Variants in PRKCB observed in about 807,000 individuals in gnomAD.
PRKCB encodes protein kinase C beta type.
Under a neutral mutation model 81.5 loss-of-function variants are expected in PRKCB, and 13 were observed. The observed-to-expected ratio is 0.16, with a 90% CI of 0.10 to 0.25. The LOEUF is 0.25. Ranked by LOEUF, PRKCB falls within the 10% of genes least tolerant of loss-of-function variation. The probability of loss-of-function intolerance (pLI) is 1.00; values close to 1 mark genes in which losing one functional copy is unlikely to be tolerated. For missense variants in PRKCB, 509 were observed against 875.7 expected (o/e 0.58, Z 5.29); for synonymous variants, 335 against 321.4 (o/e 1.04, Z -0.45).
At chr16:23,839,781 G>C (rs901959286) in intron 2 of PRKCB, among the ~76,000 whole-genome samples, 10 of 152,212 alleles carry the variant, frequency 6.6e-5, no homozygotes, top group Non-Finnish European at 1.5e-4. Context: ...GTACCATAGT[G>C]TGGCTGAGCA....
intron 2 of PRKCB, among the ~76,000 whole-genome samples, chr16:23,861,250 C>A (rs190052739): frequency 6.6e-6 from 1 of 151,928 alleles, no homozygotes; most frequent in Non-Finnish European, 1.5e-5. Context: ...CTCACTGCAG[C>A]CTCAACCTCC....
chr16:23,975,863 C>CA (rs200596310), intron 2 of PRKCB, among the ~76,000 whole-genome samples: 12,664 of 151,736 alleles, frequency 0.083, 678 homozygotes, highest in South Asian at 0.15. Context: ...TCACAAGAGA[C>CA]AAAAAAAACA....
intron 2 of PRKCB, among the ~76,000 whole-genome samples, chr16:23,872,717 A>T (rs1962925153): frequency 6.6e-6 from 1 of 152,142 alleles, no homozygotes; most frequent in African/African-American, 2.4e-5. Flanking sequence ...CAGGGTTGTC[A>T]GGAAAACTAA....
chr16:24,106,295 A>G (rs977814897), intron 7 of PRKCB, among the ~76,000 whole-genome samples: 2 of 152,164 alleles, frequency 1.3e-5, no homozygotes, highest in Non-Finnish European at 2.9e-5. Context: ...ATTAGTTAAT[A>G]TAAGTGAGGT....
At chr16:24,002,219 A>G (rs1240790309) in intron 3 of PRKCB, among the ~76,000 whole-genome samples, 3 of 151,992 alleles carry the variant, frequency 2.0e-5, no homozygotes, top group Non-Finnish European at 4.4e-5. Flanking sequence ...TTTTTCCTCC[A>G]TGCGTCCTCT....
intron 2 of PRKCB, among the ~76,000 whole-genome samples, chr16:23,959,467 T>C (rs1964394418): frequency 6.6e-6 from 1 of 152,192 alleles, no homozygotes; most frequent in Non-Finnish European, 1.5e-5. Flanking sequence ...GAATGTACGG[T>C]TGCTGCTTTG....
In PRKCB at chr16:24,096,695, A is replaced by ATC. The variant is rs1567372961; in HGVS notation, c.821+2399_821+2400insCT. On this transcript the variant is annotated intron_variant, in intron 7 of 16. Transcript: ENST00000643927. ...TATATATATATATATATATATATAT[A>ATC]TATATATATATCCTCCAATGTTACC... Among the ~76,000 whole-genome samples the ATC allele has an allele frequency of 7.6e-5, 8 of 105,886 alleles. No individual in the cohort carries two copies. In the East Asian group the frequency reaches 2.5e-3, roughly 33 times the overall value. The allele number at this position is 105,886 out of a possible 152,430, so 69.5% of individuals were successfully genotyped here.
intron 2 of PRKCB, among the ~76,000 whole-genome samples, chr16:23,904,636 C>G (rs1379717449): frequency 6.6e-6 from 1 of 152,144 alleles, no homozygotes. Context: ...GCACTCCAGC[C>G]TGGGTGACAG....
intron 5 of PRKCB, among the ~76,000 whole-genome samples, chr16:24,074,912 A>G (rs1474636964): frequency 6.6e-6 from 1 of 152,188 alleles, no homozygotes; most frequent in Admixed American, 6.5e-5. Flanking sequence ...GCTTGAGGCC[A>G]GGAGTTTGAG....
intron 13 of PRKCB, among the ~76,000 whole-genome samples, chr16:24,184,749 T>C (rs1020321655): frequency 2.6e-5 from 4 of 152,254 alleles, no homozygotes; most frequent in Non-Finnish European, 5.9e-5. Flanking sequence ...TAAAATTTAC[T>C]ATTTTAACCA....
At chr16:23,898,634 A>G (rs1435732937) in intron 2 of PRKCB, among the ~76,000 whole-genome samples, 1 of 152,196 alleles carries the variant, frequency 6.6e-6, no homozygotes, top group Non-Finnish European at 1.5e-5. Flanking sequence ...TGAAGTTTAA[A>G]CAAAAACTAG....
intron 2 of PRKCB, chr16:23,869,159 G>A (rs35030326): frequency 0.48 from 218,843 of 452,840 alleles, 55,685 homozygotes; most frequent in East Asian, 0.62. Flanking sequence ...TTGGCCAATG[G>A]AACGTGAGCA....
intron 5 of PRKCB, among the ~76,000 whole-genome samples, chr16:24,059,142 G>A (rs1965941577): frequency 6.6e-6 from 1 of 152,190 alleles, no homozygotes; most frequent in South Asian, 2.1e-4. Context: ...GGGTGACTGT[G>A]TCCAGTAGGC....
intron 5 of PRKCB, among the ~76,000 whole-genome samples, chr16:24,061,930 A>AAC (rs1555494251): frequency 7.9e-4 from 116 of 146,570 alleles, no homozygotes; most frequent in African/African-American, 1.5e-3. Flanking sequence ...AAAAAAAAAA[A>AAC]AAACTTGAGG....
intron 16 of PRKCB, among the ~76,000 whole-genome samples, chr16:24,202,211 G>A (rs1347107979): frequency 1.3e-5 from 2 of 152,022 alleles, no homozygotes; most frequent in Non-Finnish European, 1.5e-5. Flanking sequence ...CTCAAACCTG[G>A]GAATCCTCCT....
chr16:23,971,911 T>C (rs958751682), intron 2 of PRKCB, among the ~76,000 whole-genome samples: 2 of 152,182 alleles, frequency 1.3e-5, no homozygotes, highest in Non-Finnish European at 2.9e-5. Flanking sequence ...CACTCCTAGG[T>C]ATTTATCCAA....
At chr16:23,961,188 G>A (rs935041332) in intron 2 of PRKCB, among the ~76,000 whole-genome samples, 6 of 152,148 alleles carry the variant, frequency 3.9e-5, no homozygotes, top group South Asian at 2.1e-4. Context: ...GATTACAGGC[G>A]TGAGCCACTG....
chr16:24,094,108 C>G (rs1285942151), intron 6 of PRKCB, 55 bp from the exon 7 acceptor site: 1 of 1,575,422 alleles, frequency 6.3e-7, no homozygotes, highest in Non-Finnish European at 8.6e-7. Context: ...TACATTTATT[C>G]TGCTTGAGAA....
Position 24,071,436 on chromosome 16 carries a change from T to TAA in PRKCB, c.530-21330_530-21329dup, listed in dbSNP as rs398042091. ...CTGGGTAACATGGTGAGACCCTGTC[T>TAA]AAAAAAAAAAAAAAAAAAAAAAAAA... On this transcript the variant is annotated intron_variant, in intron 5 of 16. Coordinates refer to ENST00000643927, the MANE Select transcript of PRKCB (RefSeq NM_002738.7). 9.4e-4 allele frequency among the ~76,000 whole-genome samples: 54 copies of TAA among 57,288 alleles called. 1 individual carries two copies. The highest frequency in any genetic ancestry group is 2.7e-3 in the African/African-American group (47 of 17,406). The allele number at this position is 57,288 out of a possible 152,430, so 37.6% of individuals were successfully genotyped here. A position where few individuals can be genotyped will look rare whatever the true frequency, so the allele number is the denominator to read the frequency against.
Sources: allele counts gnomAD v4.1 joint callset (sites outside exome capture counted in the v4.1 genomes callset), GRCh38; gene constraint gnomAD v4.1.1; transcripts MANE v1.5; gene names NCBI Gene and HGNC (gene_info 2026-07-23, HGNC 2026-07-21).